ARIH1: variants seen among roughly 807,000 people sequenced by gnomAD.
The protein encoded by ARIH1 is ariadne RBR E3 ubiquitin protein ligase 1.
A neutral mutation model predicts 85.0 loss-of-function variants in ARIH1; 8 were observed. That is an observed-to-expected ratio of 0.09 (90% CI 0.06 to 0.17). ARIH1 has a LOEUF of 0.17. Ranked by LOEUF, ARIH1 falls within the 10% of genes least tolerant of loss-of-function variation. ARIH1 has a pLI of 1.00. For synonymous variants in ARIH1, 238 were observed against 253.6 expected, an observed-to-expected ratio of 0.94 and a Z score of 0.59; for missense variants, 311 against 718.1, an observed-to-expected ratio of 0.43 and a Z score of 6.48.
intron 2 of ARIH1, among the ~76,000 whole-genome samples, chr15:72,529,588 A>G (rs2064046550): frequency 6.6e-6 from 1 of 152,224 alleles, no homozygotes; most frequent in Non-Finnish European, 1.5e-5. Context: ...TGTATCATAC[A>G]ATAGACCACC....
Position 72,534,959 on chromosome 15 carries a change from C to CTTTTTTTTTTTTTTTTTTTTTTTTTT in ARIH1, c.444-9850_444-9849insTTTTTTTTTTTTTTTTTTTTTTTTTT, listed in dbSNP as rs59841210. Among the ~76,000 whole-genome samples the CTTTTTTTTTTTTTTTTTTTTTTTTTT allele has an allele frequency of 1.4e-3, 105 of 73,908 alleles. 42 individuals carry two copies. Among genetic ancestry groups the CTTTTTTTTTTTTTTTTTTTTTTTTTT allele is most frequent in the Middle Eastern group, 0.017 (1 of 60 alleles). The allele number at this position is 73,908 out of a possible 152,430, so 48.5% of individuals were successfully genotyped here. ...CCTATGTCTTCTTATTGTCTGTATTCTTTTTTTTTTTGAGACGGAGTCTCG... is the reference window on the plus strand; with the variant it reads ...CCTATGTCTTCTTATTGTCTGTATTCTTTTTTTTTTTTTTTTTTTTTTTTTTTTTTTTTTTTTGAGACGGAGTCTCG... On this transcript the variant is annotated intron_variant, in intron 2 of 13. Coordinates refer to ENST00000379887, the MANE Select transcript of ARIH1 (RefSeq NM_005744.5).
intron 1 of ARIH1, among the ~76,000 whole-genome samples, chr15:72,490,222 A>G (rs908164048): frequency 6.6e-6 from 1 of 150,816 alleles, no homozygotes; most frequent in Non-Finnish European, 1.5e-5. Flanking sequence ...TTTTCAGGGA[A>G]TGCTGAAATG....
chr15:72,555,377 G>A lies in ARIH1; in HGVS notation c.681+14G>A. On this transcript the variant is annotated intron_variant, in intron 4 of 13. Transcript: ENST00000379887. ...GGCATGGGTCAGGTAAAGATATCAAGTTGTTTTTCAGTTTTTGTTGAATTT... is the reference window on the plus strand; with the variant it reads ...GGCATGGGTCAGGTAAAGATATCAAATTGTTTTTCAGTTTTTGTTGAATTT... 6.3e-7 allele frequency: 1 copy of A among 1,595,954 alleles called. No individual in the cohort carries two copies. The highest frequency in any genetic ancestry group is 8.6e-7 in the Non-Finnish European group (1 of 1,164,608).
chr15:72,531,331 A>G (rs979945141), intron 2 of ARIH1, among the ~76,000 whole-genome samples: 2 of 152,178 alleles, frequency 1.3e-5, no homozygotes, highest in African/African-American at 4.8e-5. Context: ...GCAGTGGCAC[A>G]GTCTCAGCTC....
At chr15:72,525,661 A>G (rs2064024216) in intron 2 of ARIH1, among the ~76,000 whole-genome samples, 1 of 152,204 alleles carries the variant, frequency 6.6e-6, no homozygotes, top group South Asian at 2.1e-4. Context: ...GCCCATTAAA[A>G]TCACCTGAGA....
chr15:72,475,642 G>A (rs1220287133), intron 1 of ARIH1, among the ~76,000 whole-genome samples: 1 of 152,116 alleles, frequency 6.6e-6, no homozygotes, highest in Non-Finnish European at 1.5e-5. Context: ...TTGCTGTTTG[G>A]GACCTAATTG....
At position 72,561,415 on chromosome 15, in the gene ARIH1, A is replaced by G. The variant is rs2140431973; in HGVS notation, c.738-68A>G. ...CGTAGCATAAACAGCTTTTGAAACT[A>G]TGTTTTATAAATGTGGAAAATACTC... On this transcript the variant is annotated intron_variant, in intron 5 of 13. Coordinates refer to ENST00000379887, the MANE Select transcript of ARIH1 (RefSeq NM_005744.5). 3.4e-6 allele frequency: 4 copies of G among 1,188,266 alleles called. No individual in the cohort carries two copies. The South Asian group carries it at 5.2e-5, about 16-fold the overall frequency. The allele number at this position is 1,188,266 out of a possible 1,614,324, so 73.6% of individuals were successfully genotyped here. A position where few individuals can be genotyped will look rare whatever the true frequency, so the allele number is the denominator to read the frequency against.
chr15:72,478,638 C>T (rs2063803580), intron 1 of ARIH1, among the ~76,000 whole-genome samples: 1 of 152,084 alleles, frequency 6.6e-6, no homozygotes, highest in African/African-American at 2.4e-5. Context: ...TATGGAGGTC[C>T]TTGAACTCCA....
At chr15:72,583,148 C>G in intron 13 of ARIH1, 60 bp from the exon 14 acceptor site, 1 of 1,336,714 alleles carries the variant, frequency 7.5e-7, no homozygotes, top group Non-Finnish European at 1.1e-6. Context: ...TAAGTAAATG[C>G]CTCTTTTTTT....
At chr15:72,525,355 G>A (rs535466132) in intron 2 of ARIH1, among the ~76,000 whole-genome samples, 65 of 152,302 alleles carry the variant, frequency 4.3e-4, no homozygotes, top group Non-Finnish European at 8.1e-4. Context: ...TCGTGATTTA[G>A]TGAAAACTAG....
intron 1 of ARIH1, among the ~76,000 whole-genome samples, chr15:72,497,118 G>A (rs1169821701): frequency 2.6e-5 from 4 of 152,190 alleles, no homozygotes; most frequent in Non-Finnish European, 4.4e-5. Flanking sequence ...TTAAGATGCC[G>A]AATAATAGAA....
intron 2 of ARIH1, among the ~76,000 whole-genome samples, chr15:72,524,131 TAG>T (rs2064014938): frequency 6.6e-6 from 1 of 151,778 alleles, no homozygotes; most frequent in Non-Finnish European, 1.5e-5. Flanking sequence ...GTATTTTTAG[TAG>T]AGACGGGGTT....
Position 72,597,112 on chromosome 15 carries a change from T to TG in ARIH1, c.*13821dup, listed in dbSNP as rs1196192067. 3 of 148,852 alleles carry TG rather than the reference T, an allele frequency of 2.0e-5. No individual in the cohort carries two copies. Among genetic ancestry groups the TG allele is most frequent in the Non-Finnish European group, 4.5e-5 (3 of 66,596 alleles). 9.2% of individuals were successfully genotyped at this position (148,852 alleles called of 1,614,324 possible). A position where few individuals can be genotyped will look rare whatever the true frequency, so the allele number is the denominator to read the frequency against. ...TGATTGGATGATGGACGTTTTATGT[T>TG]GAAAAAAAAAAGAAATTGAAGAAAA... is the stretch of plus-strand genomic sequence containing the variant. On this transcript the variant is annotated 3_prime_UTR_variant, in exon 14 of 14. Transcript: ENST00000379887.
chr15:72,541,471 A>G lies in ARIH1; in HGVS notation c.444-3349A>G, dbSNP rs185110838. Among the ~76,000 whole-genome samples, 146 of 152,344 alleles carry G rather than the reference A, an allele frequency of 9.6e-4. 1 individual carries two copies. The highest frequency in any genetic ancestry group is 8.7e-3 in the South Asian group (42 of 4,824). On this transcript the variant is annotated intron_variant, in intron 2 of 13. Coordinates refer to ENST00000379887, the MANE Select transcript of ARIH1 (RefSeq NM_005744.5). ...CTAGGAAGACAATATTATAGAGTCAATTCTTTCAGTCAGTTTACTCTTGAT... is the reference window on the plus strand; with the variant it reads ...CTAGGAAGACAATATTATAGAGTCAGTTCTTTCAGTCAGTTTACTCTTGAT...
At chr15:72,528,861 A>G (rs995092918) in intron 2 of ARIH1, among the ~76,000 whole-genome samples, 3 of 152,070 alleles carry the variant, frequency 2.0e-5, no homozygotes, top group Non-Finnish European at 4.4e-5. Flanking sequence ...CAGACAAAAA[A>G]CAAAAAACAA....
At chr15:72,537,620 T>C (rs561686199) in intron 2 of ARIH1, among the ~76,000 whole-genome samples, 4 of 152,354 alleles carry the variant, frequency 2.6e-5, no homozygotes, top group South Asian at 2.1e-4. Context: ...ATTTAAGATA[T>C]TCCTTTGCTC....
chr15:72,482,011 T>G (rs2063818440), intron 1 of ARIH1, among the ~76,000 whole-genome samples: 1 of 152,032 alleles, frequency 6.6e-6, no homozygotes, highest in Admixed American at 6.5e-5. Flanking sequence ...TAATTTTGTA[T>G]TTTTGGTAGA....
Position 72,601,627 on chromosome 15 carries a change from CCAAA to C in ARIH1, c.*18339_*18342del, listed in dbSNP as rs2140449320. ...TCTTACCCAGGAAAAATTTCCCTGT[CCAAA>C]CAAGTCTAGATTGGCTCCCCATTGT... On this transcript the variant is annotated 3_prime_UTR_variant, in exon 14 of 14. Transcript: ENST00000379887. 1 of 152,320 alleles carries C rather than the reference CCAAA, an allele frequency of 6.6e-6. No individual in the cohort carries two copies. Among genetic ancestry groups the C allele is most frequent in the Non-Finnish European group, 1.5e-5 (1 of 68,042 alleles). The allele number at this position is 152,320 out of a possible 1,614,324, so 9.4% of individuals were successfully genotyped here.
Position 72,588,655 on chromosome 15 carries a change from A to G in ARIH1, c.*5363A>G, listed in dbSNP as rs1197140883. 2 of 152,224 alleles carry G rather than the reference A, an allele frequency of 1.3e-5. No individual in the cohort carries two copies. The highest frequency in any genetic ancestry group is 6.5e-5 in the Admixed American group (1 of 15,278). The allele number at this position is 152,224 out of a possible 1,614,324, so 9.4% of individuals were successfully genotyped here. ...AGAATAGGGCCTCACTGGAGGCCCT[A>G]GTTGAGTGGGTTTTGTGGAATGGTG... On this transcript the variant is annotated 3_prime_UTR_variant, in exon 14 of 14. Coordinates refer to ENST00000379887, the MANE Select transcript of ARIH1 (RefSeq NM_005744.5).
Sources: allele counts gnomAD v4.1 joint callset (sites outside exome capture counted in the v4.1 genomes callset), GRCh38; gene constraint gnomAD v4.1.1; transcripts MANE v1.5; gene names NCBI Gene and HGNC (gene_info 2026-07-23, HGNC 2026-07-21).